The following BRSK2 variants were observed in gnomAD, a reference collection of about 807,000 sequenced individuals.
BRSK2 encodes the protein BR serine/threonine kinase 2, also known as serine/threonine-protein kinase BRSK2.
BRSK2 carries 19 observed loss-of-function variants against 83.3 expected under a neutral mutation model. That is an observed-to-expected ratio of 0.23 (90% CI 0.16 to 0.33). BRSK2 has a LOEUF of 0.33. Ranked by LOEUF, BRSK2 falls within the 10% of genes least tolerant of loss-of-function variation. The probability of loss-of-function intolerance (pLI) is 1.00; values close to 1 mark genes in which losing one functional copy is unlikely to be tolerated. For missense variants in BRSK2, 798 were observed against 1,042.3 expected, an observed-to-expected ratio of 0.77 and a Z score of 3.23; for synonymous variants, 519 against 435.4, an observed-to-expected ratio of 1.19 and a Z score of -2.39.
intron 8 of BRSK2, 149 bp from the exon 9 acceptor site, chr11:1,444,822 T>C: frequency 2.8e-6 from 2 of 715,488 alleles, no homozygotes; most frequent in Admixed American, 2.0e-5. Flanking sequence ...CCCCTCCCTA[T>C]CTTCCTCCCC....
intron 1 of BRSK2, among the ~76,000 whole-genome samples, chr11:1,413,155 C>T (rs1380222940): frequency 6.6e-6 from 1 of 152,172 alleles, no homozygotes; most frequent in Non-Finnish European, 1.5e-5. Flanking sequence ...GGATCTCTGA[C>T]TGGAGCCAGC....
intron 1 of BRSK2, among the ~76,000 whole-genome samples, chr11:1,407,655 A>G (rs1441272392): frequency 6.6e-6 from 1 of 152,238 alleles, no homozygotes; most frequent in Non-Finnish European, 1.5e-5. Flanking sequence ...CACTAGCTTC[A>G]GAGACTGAAT....
At chr11:1,447,928 G>A (rs1054282576) in intron 12 of BRSK2, 23 of 1,467,370 alleles carry the variant, frequency 1.6e-5, no homozygotes, top group Non-Finnish European at 2.0e-5. Context: ...GCCTCAGGCC[G>A]GGCAGGCACA....
At chr11:1,422,288 G>A (rs769328894) in intron 1 of BRSK2, among the ~76,000 whole-genome samples, 87 of 152,294 alleles carry the variant, frequency 5.7e-4, no homozygotes, top group Non-Finnish European at 7.6e-4. Context: ...CCCTGTGTGT[G>A]CAGAGTCCCA....
intron 1 of BRSK2, among the ~76,000 whole-genome samples, chr11:1,397,538 A>T (rs536813587): frequency 6.6e-6 from 1 of 152,332 alleles, no homozygotes; most frequent in African/African-American, 2.4e-5. Flanking sequence ...GGGCCCACGG[A>T]GGCCGTGGCT....
intron 1 of BRSK2, among the ~76,000 whole-genome samples, chr11:1,399,027 T>C (rs1846299831): frequency 6.6e-6 from 1 of 152,282 alleles, no homozygotes; most frequent in South Asian, 2.1e-4. Flanking sequence ...CACACAGGGT[T>C]TGCAGGGGGG....
At chr11:1,415,094 C>CTTTT (rs34102200) in intron 1 of BRSK2, among the ~76,000 whole-genome samples, 16 of 128,628 alleles carry the variant, frequency 1.2e-4, no homozygotes, top group Middle Eastern at 3.9e-3. Flanking sequence ...CTGTCTTTAC[C>CTTTT]TTTTTTTTTT....
intron 1 of BRSK2, among the ~76,000 whole-genome samples, chr11:1,393,953 A>ATGGGCCATGGAGG (rs1845892897): frequency 3.2e-5 from 3 of 95,042 alleles, no homozygotes; most frequent in Non-Finnish European, 4.6e-5. Context: ...GGTCCTGGAG[A>ATGGGCCATGGAGG]TGGGTCCTGG....
intron 1 of BRSK2, among the ~76,000 whole-genome samples, chr11:1,433,375 G>T (rs1849847075): frequency 6.6e-6 from 1 of 152,216 alleles, no homozygotes; most frequent in Non-Finnish European, 1.5e-5. Flanking sequence ...TTCATCCTTT[G>T]GGGTCTCCTG....
intron 1 of BRSK2, among the ~76,000 whole-genome samples, chr11:1,412,704 T>TG (rs936137033): frequency 6.6e-6 from 1 of 151,838 alleles, no homozygotes; most frequent in Non-Finnish European, 1.5e-5. Flanking sequence ...GGACAGTGGC[T>TG]GGGGGGTCAG....
At chr11:1,448,259 G>A (rs1039123748) in intron 12 of BRSK2, among the ~76,000 whole-genome samples, 43 of 152,204 alleles carry the variant, frequency 2.8e-4, no homozygotes, top group African/African-American at 9.7e-4. Flanking sequence ...AGCTGAGGAG[G>A]GCAGGAGGCG....
chr11:1,436,809 C>T lies in BRSK2; in HGVS notation c.186+675C>T, dbSNP rs530746261. ...CCCCTCCTCTCCCTTCCTCTCCATT[C>T]GCTCCTTGGCATGCAGGGCTGCGGG... On this transcript the variant is annotated intron_variant, in intron 2 of 19. Transcript: ENST00000528841. Among the ~76,000 whole-genome samples, 274 of 152,124 alleles carry T rather than the reference C, an allele frequency of 1.8e-3. 4 individuals are homozygous for T. Among genetic ancestry groups the T allele is most frequent in the Non-Finnish European group, 1.2e-3 (82 of 67,952 alleles).
At chr11:1,421,731 G>T (rs571219029) in intron 1 of BRSK2, among the ~76,000 whole-genome samples, 89 of 152,318 alleles carry the variant, frequency 5.8e-4, no homozygotes, top group Admixed American at 3.1e-3. Context: ...CAGGGTGGGG[G>T]TGCATAGAGC....
In BRSK2 at chr11:1,454,184, C is replaced by G. The variant is rs537240724; in HGVS notation, c.1545-301C>G. On this transcript the variant is annotated intron_variant, in intron 15 of 19. Coordinates refer to ENST00000528841, the MANE Select transcript of BRSK2 (RefSeq NM_001256627.2). The surrounding 1 kb of genome is among the most constrained non-coding windows in gnomAD (Gnocchi z 5.2). ...GGGGGGCTCACCTGTGGGGGGCTCA[C>G]CTGTGGAGGGGCATCCCCAGACTTG... 7.0e-6 allele frequency: 2 copies of G among 284,226 alleles called. No individual in the cohort carries two copies. The highest frequency in any genetic ancestry group is 4.4e-5 in the African/African-American group (2 of 44,952). 17.6% of individuals were successfully genotyped at this position (284,226 alleles called of 1,614,324 possible). A position where few individuals can be genotyped will look rare whatever the true frequency, so the allele number is the denominator to read the frequency against.
chr11:1,429,208 CACGCGGTGTGTGG>C (rs1849647890), intron 1 of BRSK2, among the ~76,000 whole-genome samples: 1 of 145,704 alleles, frequency 6.9e-6, no homozygotes, highest in African/African-American at 2.6e-5. Flanking sequence ...GGTGTGTGTG[CACGCGGTGTGTGG>C]GCGTGTGCCC....
chr11:1,399,368 G>C (rs970438839), intron 1 of BRSK2, among the ~76,000 whole-genome samples: 65 of 152,212 alleles, frequency 4.3e-4, no homozygotes, highest in African/African-American at 1.4e-3. Flanking sequence ...TGGGGCCAGC[G>C]TCAGCCTCAG....
chr11:1,404,336 C>T (rs1846686998), intron 1 of BRSK2, among the ~76,000 whole-genome samples: 1 of 152,214 alleles, frequency 6.6e-6, no homozygotes, highest in South Asian at 2.1e-4. Context: ...GCTCTCCTAT[C>T]ACGTCCCCTC....
rs76288198 is a variant in BRSK2, at chr11:1,438,744, T to G, written c.272+353T>G. Among the ~76,000 whole-genome samples the G allele has an allele frequency of 4.2e-4, 64 of 152,224 alleles. No individual in the cohort carries two copies. In the East Asian group the frequency reaches 9.9e-3, roughly 24 times the overall value. ...TGGCCACGCTGAGCCTCCTGGCCTCTGCCCAGGACGTCCCCAGCCCTGGGC... is the reference window on the plus strand; with the variant it reads ...TGGCCACGCTGAGCCTCCTGGCCTCGGCCCAGGACGTCCCCAGCCCTGGGC... On this transcript the variant is annotated intron_variant, in intron 3 of 19. Coordinates refer to ENST00000528841, the MANE Select transcript of BRSK2 (RefSeq NM_001256627.2). This position sits in a 1 kb window ranked among gnomAD's most constrained non-coding sequence, Gnocchi z 6.4.
At chr11:1,429,108 G>A (rs910065565) in intron 1 of BRSK2, among the ~76,000 whole-genome samples, 12 of 146,196 alleles carry the variant, frequency 8.2e-5, no homozygotes, top group South Asian at 2.2e-4. Context: ...GTGTGCACTC[G>A]GTGTGTGGGT....
Sources: allele counts gnomAD v4.1 joint callset (sites outside exome capture counted in the v4.1 genomes callset), GRCh38; gene constraint gnomAD v4.1.1; non-coding constraint Gnocchi (gnomAD v3.1); transcripts MANE v1.5; gene names NCBI Gene and HGNC (gene_info 2026-07-23, HGNC 2026-07-21).